STK33: variants seen among roughly 807,000 people sequenced by gnomAD.
STK33 encodes serine/threonine kinase 33.
In STK33, 52 loss-of-function variants were observed where a neutral mutation model predicts 58.0. That is an observed-to-expected ratio of 0.90 (90% confidence interval 0.72 to 1.13). The LOEUF (loss-of-function observed/expected upper bound fraction) is 1.13, where lower values mean the gene tolerates loss of function less well. Among genes scored for constraint, STK33 ranks in the 50% most tolerant of loss-of-function variants. The pLI, the probability that STK33 is intolerant of heterozygous loss-of-function variation, is 0.00. For missense variants in STK33, 630 were observed against 604.2 expected (o/e 1.04, Z -0.45); for synonymous variants, 215 against 200.1 (o/e 1.07, Z -0.63).
chr11:8,463,131 C>T (rs1201995120), intron 7 of STK33, among the ~76,000 whole-genome samples: 2 of 152,120 alleles, frequency 1.3e-5, no homozygotes, highest in Non-Finnish European at 2.9e-5. Context: ...ATACTATGCC[C>T]CACCCAAGGA....
chr11:8,399,410 T>G (rs1849978242), intron 15 of STK33, among the ~76,000 whole-genome samples: 1 of 152,142 alleles, frequency 6.6e-6, no homozygotes. Context: ...AGATGTTCTT[T>G]GAAACCAATG....
chr11:8,444,299 T>TA lies in STK33; in HGVS notation c.872-3547dup, dbSNP rs959060509. On this transcript the variant is annotated intron_variant, in intron 11 of 15. Coordinates refer to ENST00000687296, the MANE Select transcript of STK33 (RefSeq NM_001352389.2). The stretch of plus-strand genomic sequence containing the variant: ...TCATTTAATTCTCATGTCAACCTGA[T>TA]AAAAAAAAACTATTGTCTTCTAAAC... Among the ~76,000 whole-genome samples the TA allele has an allele frequency of 2.5e-3, 380 of 151,672 alleles. 4 individuals are homozygous for TA. The highest frequency in any genetic ancestry group is 0.018 in the Admixed American group (276 of 15,236).
intron 11 of STK33, among the ~76,000 whole-genome samples, chr11:8,452,085 C>A (rs1006040597): frequency 6.6e-6 from 1 of 152,104 alleles, no homozygotes; most frequent in Admixed American, 6.5e-5. Context: ...TGCCTGTAAT[C>A]CCAGCTACTC....
chr11:8,583,416 G>A (rs1434133250), intron 1 of STK33, among the ~76,000 whole-genome samples: 2 of 152,198 alleles, frequency 1.3e-5, no homozygotes, highest in African/African-American at 4.8e-5. Flanking sequence ...AAGCAGATAT[G>A]TAGGAAAGGA....
intron 6 of STK33, among the ~76,000 whole-genome samples, chr11:8,469,593 G>T (rs1948576449): frequency 6.6e-6 from 1 of 152,164 alleles, no homozygotes; most frequent in Admixed American, 6.5e-5. Flanking sequence ...GTTCTCAATG[G>T]CATCCAGAAT....
At chr11:8,503,994 T>C (rs143448757) in intron 1 of STK33, among the ~76,000 whole-genome samples, 143 of 152,316 alleles carry the variant, frequency 9.4e-4, no homozygotes, top group African/African-American at 2.9e-3. Context: ...AGGAATTACA[T>C]AGAAATTGTT....
intron 1 of STK33, among the ~76,000 whole-genome samples, chr11:8,540,430 A>G (rs1955415612): frequency 6.6e-6 from 1 of 152,094 alleles, no homozygotes; most frequent in South Asian, 2.1e-4. Flanking sequence ...ATGAGCTATG[A>G]TCATACCACT....
At chr11:8,449,392 A>G (rs1273774694) in intron 11 of STK33, among the ~76,000 whole-genome samples, 1 of 151,712 alleles carries the variant, frequency 6.6e-6, no homozygotes, top group Non-Finnish European at 1.5e-5. Flanking sequence ...CCAAATGTCC[A>G]ACAATGATCA....
Position 8,413,837 on chromosome 11 carries a change from T to A in STK33, c.1147-145A>T, listed in dbSNP as rs1325810473. 1.8e-5 allele frequency: 13 copies of A among 734,814 alleles called. No individual in the cohort carries two copies. In the East Asian group the frequency reaches 2.9e-4, roughly 17 times the overall value. 45.5% of individuals were successfully genotyped at this position (734,814 alleles called of 1,614,324 possible). ...GCTGAATAAATATGAAAACTTCTGA[T>A]GACCACTGGAGTACAACCCCTGTAC... On this transcript the variant is annotated intron_variant, in intron 14 of 15. Transcript: ENST00000687296.
At position 8,440,589 on chromosome 11, in the gene STK33, TA is replaced by T. The variant is rs537239157; in HGVS notation, c.947+88del. 305 of 1,138,556 alleles carry T rather than the reference TA, an allele frequency of 2.7e-4. 1 individual carries two copies. The African/African-American group carries it at 4.3e-3, about 16-fold the overall frequency. 70.5% of individuals were successfully genotyped at this position (1,138,556 alleles called of 1,614,324 possible). A position where few individuals can be genotyped will look rare whatever the true frequency, so the allele number is the denominator to read the frequency against. On this transcript the variant is annotated intron_variant, in intron 12 of 15. Transcript: ENST00000687296. Reference sequence around the variant, plus strand: ...TGGTTTTTAAATCACTTTTTAAAAATATATATTAGTTTTAATTTAAAGTCTA... The same window carrying T: ...TGGTTTTTAAATCACTTTTTAAAAATTATATTAGTTTTAATTTAAAGTCTA...
At chr11:8,387,021 G>A (rs1848553284), downstream of STK33, among the ~76,000 whole-genome samples, 1 of 152,138 alleles carries the variant, frequency 6.6e-6, no homozygotes, top group South Asian at 2.1e-4. Context: ...CATATTCAAA[G>A]GCTTCTAAAG....
chr11:8,570,609 C>A (rs1957741611), intron 1 of STK33, among the ~76,000 whole-genome samples: 1 of 152,124 alleles, frequency 6.6e-6, no homozygotes, highest in Admixed American at 6.5e-5. Flanking sequence ...TATGGGTGCA[C>A]ACACGTAGTA....
intron 1 of STK33, among the ~76,000 whole-genome samples, chr11:8,510,017 C>T (rs1033577800): frequency 2.6e-5 from 4 of 152,174 alleles, no homozygotes; most frequent in African/African-American, 7.2e-5. Flanking sequence ...TGGGTAGATA[C>T]TCAGCAGTGG....
chr11:8,533,872 T>A (rs965111571), intron 1 of STK33, among the ~76,000 whole-genome samples: 10 of 152,236 alleles, frequency 6.6e-5, no homozygotes, highest in African/African-American at 2.4e-4. Context: ...GTACAGTTGA[T>A]AATATTTGTC....
intron 1 of STK33, among the ~76,000 whole-genome samples, chr11:8,486,549 A>G (rs1475435407): frequency 6.6e-6 from 1 of 152,180 alleles, no homozygotes; most frequent in Non-Finnish European, 1.5e-5. Context: ...TACACTTACT[A>G]TATCATACTC....
At chr11:8,442,030 TAC>T (rs55646106) in intron 11 of STK33, among the ~76,000 whole-genome samples, 3,011 of 143,184 alleles carry the variant, frequency 0.021, 40 homozygotes, top group South Asian at 0.025. Context: ...TACCTACACC[TAC>T]ACACACACAC....
intron 1 of STK33, among the ~76,000 whole-genome samples, chr11:8,571,619 G>A (rs1706759734): frequency 6.6e-6 from 1 of 152,042 alleles, no homozygotes; most frequent in South Asian, 2.1e-4. Flanking sequence ...GGATCACGAG[G>A]TCAGGAGATC....
chr11:8,370,869 A>G, the STK33 span, among the ~76,000 whole-genome samples: 1 of 152,216 alleles, frequency 6.6e-6, no homozygotes, highest in Non-Finnish European at 1.5e-5. Context: ...CCATGTTTTA[A>G]GAGGGACTTT....
chr11:8,592,059 T>C (rs2032696177), intron 1 of STK33, among the ~76,000 whole-genome samples: 1 of 152,096 alleles, frequency 6.6e-6, no homozygotes, highest in Non-Finnish European at 1.5e-5. Flanking sequence ...ACCTGGATGC[T>C]CTCTTTCTTC....
Sources: allele counts gnomAD v4.1 joint callset (sites outside exome capture counted in the v4.1 genomes callset), GRCh38; gene constraint gnomAD v4.1.1; transcripts MANE v1.5; gene names NCBI Gene and HGNC (gene_info 2026-07-23, HGNC 2026-07-21).